The following GPR160 variants were observed in gnomAD, a reference collection of about 807,000 sequenced individuals.
The protein encoded by GPR160 is probable G protein-coupled receptor 160.
GPR160 carries 2 observed loss-of-function variants against 2.6 expected under a neutral mutation model. The observed-to-expected ratio is 0.77, with a 90% CI of 0.32 to 2.44. GPR160 has a LOEUF of 2.44. Among genes scored for constraint, GPR160 ranks in the 30% most tolerant of loss-of-function variants. The pLI, the probability that GPR160 is intolerant of heterozygous loss-of-function variation, is 0.11. For synonymous variants in GPR160, 130 were observed against 132.2 expected (o/e 0.98, Z 0.12); for missense variants, 351 against 383.6 (o/e 0.91, Z 0.71).
chr3:170,055,308 C>T (rs1465722961), intron 2 of GPR160, among the ~76,000 whole-genome samples: 1 of 152,128 alleles, frequency 6.6e-6, no homozygotes, highest in Non-Finnish European at 1.5e-5. Flanking sequence ...TCACACCTGA[C>T]AATGTGATGG....
chr3:170,054,895 G>A (rs1711552226), intron 2 of GPR160, among the ~76,000 whole-genome samples: 1 of 151,640 alleles, frequency 6.6e-6, no homozygotes, highest in African/African-American at 2.4e-5. Context: ...CCAAATTCAA[G>A]TGATTCTCCT....
At chr3:170,075,977 G>A (rs981262852) in intron 2 of GPR160, among the ~76,000 whole-genome samples, 5 of 152,158 alleles carry the variant, frequency 3.3e-5, no homozygotes, top group Non-Finnish European at 5.9e-5. Context: ...GATTTTATCA[G>A]TGTATAAATA....
chr3:170,084,244 A>T lies in GPR160; in HGVS notation c.272A>T (p.Lys91Ile), dbSNP rs774871816. 3.5e-5 allele frequency: 56 copies of T among 1,607,830 alleles called. No homozygotes were observed. The highest frequency in any genetic ancestry group is 2.2e-5 in the Non-Finnish European group (26 of 1,175,572). ...GTACTTTTAAGCATTAGGTTCACTA[A>T]ATACCACATCTGCCTATTTACTCAA... ...DFVLLSIRFT[K>I]YHICLFTQII... The change falls in exon 4 of 4, where the codon AAA becomes ATA. Residue 91 changes from lysine (K) to isoleucine (I), a missense_variant. By Grantham distance (102) the Lys-to-Ile change is moderately radical (BLOSUM62 -3). Transcript: ENST00000355897.
rs368019452 is a variant in GPR160 at position 170,045,408 on chromosome 3, C to CAAAAAAAAAAAAAAAAAAAA, written c.-193+6385_-193+6404dup. ...TGAAACCCTGTCTCTACTAAAAATA[C>CAAAAAAAAAAAAAAAAAAAA]AAAAAAAAAAAAAAAAAAAAAAAAA... is the stretch of plus-strand genomic sequence containing the variant. On this transcript the variant is annotated intron_variant, in intron 2 of 3. Transcript: ENST00000355897. Among the ~76,000 whole-genome samples, 21 of 33,656 alleles carry CAAAAAAAAAAAAAAAAAAAA rather than the reference C, an allele frequency of 6.2e-4. 6 individuals are homozygous for CAAAAAAAAAAAAAAAAAAAA. Among genetic ancestry groups the CAAAAAAAAAAAAAAAAAAAA allele is most frequent in the Middle Eastern group, 0.062 (2 of 32 alleles). 22.1% of individuals were successfully genotyped at this position (33,656 alleles called of 152,430 possible).
At chr3:170,067,412 A>G (rs1712396036) in intron 2 of GPR160, among the ~76,000 whole-genome samples, 1 of 152,088 alleles carries the variant, frequency 6.6e-6, no homozygotes. Flanking sequence ...CTATTTCAAT[A>G]TTGGGATTTT....
intron 3 of GPR160, among the ~76,000 whole-genome samples, chr3:170,083,174 T>C (rs1333336721): frequency 2.6e-5 from 4 of 152,036 alleles, no homozygotes; most frequent in Non-Finnish European, 5.9e-5. Context: ...TTCCAAAATG[T>C]ATGTATCACT....
At chr3:170,055,024 C>A (rs1349751975) in intron 2 of GPR160, among the ~76,000 whole-genome samples, 1 of 152,212 alleles carries the variant, frequency 6.6e-6, no homozygotes, top group Non-Finnish European at 1.5e-5. Context: ...GAACTCCTGA[C>A]CACAGGTGAC....
chr3:170,066,022 G>T (rs1355666771), intron 2 of GPR160, among the ~76,000 whole-genome samples: 1 of 151,480 alleles, frequency 6.6e-6, no homozygotes, highest in Non-Finnish European at 1.5e-5. Flanking sequence ...CTCCTGAGTA[G>T]CTGGGATATA....
rs1487412930 is a variant in GPR160 at position 170,084,604 on chromosome 3, T to C, written c.632T>C (p.Ile211Thr). 6.2e-7 allele frequency: 1 copy of C among 1,612,880 alleles called. No individual in the cohort carries two copies. Among genetic ancestry groups the C allele is most frequent in the African/African-American group, 1.3e-5 (1 of 74,926 alleles). Residue 211 changes from isoleucine to threonine, a missense_variant, in exon 4 of 4, where the codon ATC becomes ACC. By Grantham distance (89) the Ile-to-Thr change is moderately conservative. Transcript: ENST00000355897. ...WEEVTTLVQAIRITSYMNETI... is the reference protein window; with the variant it reads ...WEEVTTLVQATRITSYMNETI... ...GAAGTTACTACTTTGGTACAGGCTA[T>C]CAGGATAACTTCCTATATGAATGAA... is the stretch of plus-strand genomic sequence containing the variant.
chr3:170,081,040 A>G (rs1713097306), intron 3 of GPR160, among the ~76,000 whole-genome samples: 1 of 152,214 alleles, frequency 6.6e-6, no homozygotes, highest in African/African-American at 2.4e-5. Flanking sequence ...CAGGAGTTAT[A>G]AAAGTTAAAA....
intron 2 of GPR160, among the ~76,000 whole-genome samples, chr3:170,054,146 C>G (rs904219515): frequency 1.3e-5 from 2 of 151,256 alleles, no homozygotes; most frequent in African/African-American, 4.9e-5. Flanking sequence ...GCTTGAGAGC[C>G]CTGCCTGCCC....
At chr3:170,054,157 A>C (rs1031878861) in intron 2 of GPR160, among the ~76,000 whole-genome samples, 35 of 151,890 alleles carry the variant, frequency 2.3e-4, no homozygotes, top group African/African-American at 8.2e-4. Context: ...CTGCCTGCCC[A>C]ACAAACTTAT....
At chr3:170,082,973 GT>G (rs34311852) in intron 3 of GPR160, among the ~76,000 whole-genome samples, 3,204 of 136,306 alleles carry the variant, frequency 0.024, 48 homozygotes, top group Non-Finnish European at 0.032. Flanking sequence ...CATTTTTGGG[GT>G]TTTTTTTTTT....
Position 170,084,621 on chromosome 3 carries a change from A to G in GPR160, c.649A>G (p.Met217Val), listed in dbSNP as rs1398504073. 6.2e-7 allele frequency: 1 copy of G among 1,611,980 alleles called. No homozygotes were observed. The highest frequency in any genetic ancestry group is 8.5e-7 in the Non-Finnish European group (1 of 1,178,232). Residue 217 changes from methionine to valine, a missense_variant, in exon 4 of 4, where the codon ATG becomes GTG. Coordinates refer to ENST00000355897, the MANE Select transcript of GPR160 (RefSeq NM_014373.3). ...ACAGGCTATCAGGATAACTTCCTAT[A>G]TGAATGAAACTATCTTATATTTTCC... ...LVQAIRITSY[M>V]NETILYFPFS...
chr3:170,065,280 C>T (rs776100704), intron 2 of GPR160, among the ~76,000 whole-genome samples: 73 of 151,866 alleles, frequency 4.8e-4, no homozygotes, highest in Non-Finnish European at 9.1e-4. Flanking sequence ...ATATACTTAT[C>T]GCTAATTCAA....
intron 2 of GPR160, among the ~76,000 whole-genome samples, chr3:170,055,837 T>G (rs2108320753): frequency 6.6e-6 from 1 of 152,330 alleles, no homozygotes; most frequent in East Asian, 1.9e-4. Context: ...GGTTTCACCG[T>G]GTTAGCCAGG....
At chr3:170,072,329 C>G (rs1358983279) in intron 2 of GPR160, among the ~76,000 whole-genome samples, 5 of 152,122 alleles carry the variant, frequency 3.3e-5, no homozygotes, top group Non-Finnish European at 5.9e-5. Flanking sequence ...CCTGCCTCAG[C>G]CTTCCAATGT....
chr3:170,072,711 A>C (rs540524948), intron 2 of GPR160, among the ~76,000 whole-genome samples: 1 of 152,216 alleles, frequency 6.6e-6, no homozygotes, highest in African/African-American at 2.4e-5. Flanking sequence ...GTAAACAAAT[A>C]AGAGTGAGGA....
chr3:170,048,984 G>A (rs1223284506), intron 2 of GPR160, among the ~76,000 whole-genome samples: 1 of 152,100 alleles, frequency 6.6e-6, no homozygotes, highest in Non-Finnish European at 1.5e-5. Context: ...AGTCACGGTG[G>A]GCTGGCATTA....
Sources: gnomAD v4.1 joint callset for allele counts (sites outside exome capture counted in the v4.1 genomes callset) on GRCh38, gnomAD v4.1.1 for gene constraint, MANE v1.5 for transcripts, NCBI Gene and HGNC (gene_info 2026-07-23, HGNC 2026-07-21) for gene names.